Variants in SV2C observed in about 807,000 individuals in gnomAD.
SV2C encodes solute carrier family 22 member B3.
In SV2C, 49 loss-of-function variants were observed where a neutral mutation model predicts 79.7. The ratio of observed to expected loss-of-function variants is 0.61; its 90% confidence interval spans 0.49 to 0.78. SV2C has a LOEUF of 0.78. Ranked by LOEUF, SV2C falls within the 30% of genes least tolerant of loss-of-function variation. The pLI is 0.00. For missense variants in SV2C, 833 were observed against 912.9 expected, an observed-to-expected ratio of 0.91 and a Z score of 1.13; for synonymous variants, 334 against 333.2, an observed-to-expected ratio of 1.00 and a Z score of -0.03.
chr5:76,064,939 T>G, the SV2C span, among the ~76,000 whole-genome samples: 2 of 152,186 alleles, frequency 1.3e-5, no homozygotes, highest in African/African-American at 4.8e-5. Context: ...TTCCTTTTTC[T>G]CGTAAGTATT....
chr5:75,863,826 T>C, the SV2C span, among the ~76,000 whole-genome samples: 1 of 152,250 alleles, frequency 6.6e-6, no homozygotes, highest in African/African-American at 2.4e-5. Flanking sequence ...CTGTTTTCCA[T>C]AGCCCCAACC....
intron 4 of SV2C, among the ~76,000 whole-genome samples, chr5:76,221,460 G>A (rs1401957888): frequency 6.6e-6 from 1 of 152,182 alleles, no homozygotes. Context: ...TTTGCAAGAT[G>A]CAATCCTTAG....
At chr5:76,238,063 CACAT>C (rs1158976050) in intron 4 of SV2C, among the ~76,000 whole-genome samples, 31 of 70,768 alleles carry the variant, frequency 4.4e-4, no homozygotes, top group African/African-American at 1.1e-3. Flanking sequence ...CACACACACA[CACAT>C]ATATATACCT....
intron 2 of SV2C, among the ~76,000 whole-genome samples, chr5:76,158,147 A>G (rs1488965582): frequency 6.6e-6 from 1 of 151,944 alleles, no homozygotes; most frequent in Non-Finnish European, 1.5e-5. Flanking sequence ...AACATGGGAC[A>G]TATAGGAAAC....
At chr5:76,265,213 C>G (rs1385789443) in intron 4 of SV2C, among the ~76,000 whole-genome samples, 2 of 152,190 alleles carry the variant, frequency 1.3e-5, no homozygotes, top group African/African-American at 2.4e-5. Context: ...GTGTTGAGCT[C>G]CACCCAGTCT....
chr5:76,228,935 A>C (rs1470544464), intron 4 of SV2C, among the ~76,000 whole-genome samples: 1 of 152,056 alleles, frequency 6.6e-6, no homozygotes, highest in East Asian at 1.9e-4. Flanking sequence ...TGGCTTTACT[A>C]TGTGGTTTTC....
intron 2 of SV2C, among the ~76,000 whole-genome samples, chr5:76,162,991 T>C (rs1230542274): frequency 6.6e-6 from 1 of 152,210 alleles, no homozygotes; most frequent in Non-Finnish European, 1.5e-5. Flanking sequence ...GAGCACATAT[T>C]AATACTTCAC....
At chr5:76,288,098 A>G (rs1747414489) in intron 6 of SV2C, among the ~76,000 whole-genome samples, 1 of 152,158 alleles carries the variant, frequency 6.6e-6, no homozygotes, top group East Asian at 1.9e-4. Context: ...AAAAAAAAAA[A>G]AAAATAGACT....
At chr5:75,929,373 C>A in the SV2C span, among the ~76,000 whole-genome samples, 1 of 151,934 alleles carries the variant, frequency 6.6e-6, no homozygotes, top group African/African-American at 2.4e-5. Flanking sequence ...CCAGATGAGC[C>A]CAGGGAGTGT....
At chr5:75,982,854 A>G in the SV2C span, among the ~76,000 whole-genome samples, 1 of 152,216 alleles carries the variant, frequency 6.6e-6, no homozygotes, top group African/African-American at 2.4e-5. Context: ...TTAGCAAACT[A>G]ATGCAGGAAC....
chr5:76,085,051 T>A lies in SV2C; in HGVS notation c.-102+1539T>A, dbSNP rs537410422. On this transcript the variant is annotated intron_variant, in intron 1 of 12. Coordinates refer to ENST00000502798, the MANE Select transcript of SV2C (RefSeq NM_014979.4). ...CTCCTCTCCCGCTGAACCTAATCCC[T>A]TCATACTTAGCTGACTGCTAGCGCG... Among the ~76,000 whole-genome samples the A allele has an allele frequency of 9.4e-4, 143 of 152,354 alleles. 1 individual carries two copies. Among genetic ancestry groups the A allele is most frequent in the African/African-American group, 3.4e-3 (140 of 41,592 alleles).
the SV2C span, among the ~76,000 whole-genome samples, chr5:76,009,986 ATTTTGTTTTTTTTT>A: frequency 1.0e-5 from 1 of 100,008 alleles, no homozygotes; most frequent in African/African-American, 3.9e-5. Flanking sequence ...TTACTTATCT[ATTTTGTTTTTTTTT>A]TTTTTTTTTT....
upstream of SV2C, among the ~76,000 whole-genome samples, chr5:76,081,401 G>A (rs1033659293): frequency 1.3e-5 from 2 of 152,094 alleles, no homozygotes; most frequent in Non-Finnish European, 2.9e-5. Context: ...ATAACATGCG[G>A]GGAATCCAGA....
At chr5:75,924,788 AGT>A in the SV2C span, among the ~76,000 whole-genome samples, 1 of 151,644 alleles carries the variant, frequency 6.6e-6, no homozygotes, top group Non-Finnish European at 1.5e-5. Context: ...TGAGTAAAGA[AGT>A]TTGATCATAA....
chr5:76,348,921 C>T (rs908066737), intron 12 of SV2C, among the ~76,000 whole-genome samples: 1 of 149,324 alleles, frequency 6.7e-6, no homozygotes, highest in East Asian at 1.9e-4. Flanking sequence ...ACAGCTTGAA[C>T]CCAGGAGGCA....
intron 1 of SV2C, among the ~76,000 whole-genome samples, chr5:76,092,900 G>T (rs1747427816): frequency 6.6e-6 from 1 of 152,010 alleles, no homozygotes; most frequent in South Asian, 2.1e-4. Context: ...TGCAGCTCCA[G>T]CTGTGGAGTG....
chr5:75,962,945 G>T, the SV2C span, among the ~76,000 whole-genome samples: 2 of 152,054 alleles, frequency 1.3e-5, no homozygotes, highest in African/African-American at 4.8e-5. Context: ...AAATGGTTGT[G>T]GAACAAATAC....
the SV2C span, among the ~76,000 whole-genome samples, chr5:75,862,796 A>G: frequency 6.6e-6 from 1 of 152,224 alleles, no homozygotes; most frequent in African/African-American, 2.4e-5. Context: ...TGTGTTGCAC[A>G]GTGATATCCA....
chr5:76,171,654 G>A (rs1743262009), intron 2 of SV2C, among the ~76,000 whole-genome samples: 1 of 146,208 alleles, frequency 6.8e-6, no homozygotes, highest in South Asian at 2.2e-4. Flanking sequence ...CCATCCGGGA[G>A]GGAGGTGGGG....
Sources: gnomAD v4.1 joint callset for allele counts (sites outside exome capture counted in the v4.1 genomes callset) on GRCh38, gnomAD v4.1.1 for gene constraint, MANE v1.5 for transcripts, NCBI Gene and HGNC (gene_info 2026-07-23, HGNC 2026-07-21) for gene names.